The following SNF8 variants were observed in gnomAD, a reference collection of about 807,000 sequenced individuals.
SNF8 encodes SNF8 subunit of ESCRT-II, also known as vacuolar-sorting protein SNF8.
SNF8 carries 19 observed loss-of-function variants against 36.8 expected under a neutral mutation model. The observed-to-expected ratio is 0.52, with a 90% CI of 0.36 to 0.76. SNF8 has a LOEUF of 0.76. Among genes scored for constraint, SNF8 ranks in the 30% least tolerant of loss-of-function variants. The pLI is 0.00. For missense variants in SNF8, 268 were observed against 322.9 expected, an observed-to-expected ratio of 0.83 and a Z score of 1.30; for synonymous variants, 127 against 127.4, an observed-to-expected ratio of 1.00 and a Z score of 0.02.
At chr17:48,932,993 T>C (rs1369047745) in intron 6 of SNF8, 1 of 460,134 alleles carries the variant, frequency 2.2e-6, no homozygotes, top group Non-Finnish European at 3.8e-6. Flanking sequence ...GCAGGAATTT[T>C]ATCATCTTTA....
In SNF8 at chr17:48,940,960, C is replaced by T. The variant is rs1027220795; in HGVS notation, c.208G>A (p.Asp70Asn). Residue 70 changes from aspartate to asparagine, a missense_variant, in exon 3 of 8, where the codon GAC (aspartate) becomes AAC (asparagine). Asp to Asn is a conservative substitution (Grantham distance 23). Coordinates refer to ENST00000502492, the MANE Select transcript of SNF8 (RefSeq NM_007241.4). ...KNPEFRVQFQ[D>N]MCATIGVDPL... ...TCCACGCCAATGGTTGCACACATGT[C>T]CTGGAACTGCACACGGAACTCAGGA... The T allele has an allele frequency of 3.7e-6, 6 of 1,612,782 alleles. No individual in the cohort carries two copies. In the East Asian group the frequency reaches 1.1e-4, roughly 30 times the overall value.
At chr17:48,931,184 C>A (rs4793993) in intron 7 of SNF8, among the ~76,000 whole-genome samples, 1 of 152,060 alleles carries the variant, frequency 6.6e-6, no homozygotes, top group East Asian at 1.9e-4. Flanking sequence ...GGAGTTCTTA[C>A]ATTGCTCCCT....
At position 48,943,830 on chromosome 17, in the gene SNF8, C is replaced by G. The variant is rs114957199; in HGVS notation, c.105+95G>C. 1,379 of 1,130,774 alleles carry G rather than the reference C, an allele frequency of 1.2e-3. 18 individuals carry two copies. In the African/African-American group the frequency reaches 0.019, roughly 16 times the overall value. The allele number at this position is 1,130,774 out of a possible 1,614,324, so 70.0% of individuals were successfully genotyped here. A position where few individuals can be genotyped will look rare whatever the true frequency, so the allele number is the denominator to read the frequency against. ...TCAAAATTTGCCAAACACCCTATTT[C>G]TAGTTCAATCTACACAATCAAGTTC... On this transcript the variant is annotated intron_variant, in intron 2 of 7. Coordinates refer to ENST00000502492, the MANE Select transcript of SNF8 (RefSeq NM_007241.4).
intron 7 of SNF8, 85 bp downstream of exon 7, chr17:48,931,558 A>G: frequency 9.0e-7 from 1 of 1,108,426 alleles, no homozygotes. Flanking sequence ...CAGCAAAGCA[A>G]TGCTGAAGTT....
intron 7 of SNF8, 108 bp from the exon 8 acceptor site, chr17:48,930,720 T>G (rs1406612089): frequency 8.6e-7 from 1 of 1,156,272 alleles, no homozygotes; most frequent in Non-Finnish European, 1.2e-6. Flanking sequence ...GTTTTCAAAC[T>G]AAATCTACTA....
chr17:48,944,777 G>C lies in SNF8; in HGVS notation c.-43C>G, dbSNP rs762442015. On this transcript the variant is annotated 5_prime_UTR_variant, in exon 1 of 8. Coordinates refer to ENST00000502492, the MANE Select transcript of SNF8 (RefSeq NM_007241.4). ...GGGCCGCCCGGCTGCCGGGACCCCG[G>C]GTCTCCACGTCCCGGACTCCGCCGC... The C allele has an allele frequency of 3.6e-4, 560 of 1,573,758 alleles. No individual in the cohort carries two copies. The highest frequency in any genetic ancestry group is 4.5e-4 in the Non-Finnish European group (530 of 1,166,486).
At chr17:48,931,245 G>T (rs1450796804) in intron 7 of SNF8, among the ~76,000 whole-genome samples, 3 of 152,186 alleles carry the variant, frequency 2.0e-5, no homozygotes, top group African/African-American at 7.2e-5. Flanking sequence ...TATAAAGCTA[G>T]AGTATATACT....
In SNF8 at chr17:48,944,086, G is replaced by C. The variant is rs2041069505; in HGVS notation, c.55-111C>G. 4 of 918,456 alleles carry C rather than the reference G, an allele frequency of 4.4e-6. No individual in the cohort carries two copies. The Admixed American group carries it at 7.5e-5, about 17-fold the overall frequency. The allele number at this position is 918,456 out of a possible 1,614,324, so 56.9% of individuals were successfully genotyped here. The stretch of plus-strand genomic sequence containing the variant: ...TGGGACGCCGAGGCGGGCGGATCAC[G>C]AGGTCAGGAGATCGAGCCATCCTGG... On this transcript the variant is annotated intron_variant, in intron 1 of 7. Transcript: ENST00000502492.
chr17:48,933,277 GC>G lies in SNF8; in HGVS notation c.491del (p.Gly164AlafsTer30). Reference sequence around the variant, plus strand: ...GAACAGACTGAATGAGGTAAGTGCCGCCCACAGGGATGATGCCGAAGCCAGT... The same window carrying G: ...GAACAGACTGAATGAGGTAAGTGCCGCCACAGGGATGATGCCGAAGCCAGT... ...LGTGFGIIPV[G>X]GTYLIQSVPA... On this transcript the variant is annotated frameshift_variant, in exon 6 of 8. Transcript: ENST00000502492. LOFTEE classifies it high-confidence loss of function. 1 of 1,614,128 alleles carries G rather than the reference GC, an allele frequency of 6.2e-7. No individual in the cohort carries two copies. The highest frequency in any genetic ancestry group is 2.2e-5 in the East Asian group (1 of 44,874).
chr17:48,933,070 C>T, intron 6 of SNF8, 135 bp downstream of exon 6: 1 of 871,692 alleles, frequency 1.1e-6, no homozygotes, highest in East Asian at 2.6e-5. Context: ...TGAACAAGCA[C>T]AGGCCTGAGT....
At chr17:48,940,072 CA>C (rs34067220) in intron 3 of SNF8, among the ~76,000 whole-genome samples, 3,956 of 91,352 alleles carry the variant, frequency 0.043, 153 homozygotes, top group African/African-American at 0.14. Context: ...AAGACTGTCT[CA>C]AAAAAAAAAA....
At chr17:48,930,678 G>C in intron 7 of SNF8, 66 bp from the exon 8 acceptor site, 1 of 1,521,242 alleles carries the variant, frequency 6.6e-7, no homozygotes, top group Non-Finnish European at 8.9e-7. Context: ...GGGTAGGTAA[G>C]CAACCCCCAC....
Position 48,936,054 on chromosome 17 carries a change from T to C in SNF8, c.422+116A>G, listed in dbSNP as rs2040929762. 2.8e-5 allele frequency: 20 copies of C among 713,242 alleles called. 1 individual carries two copies. In the South Asian group the frequency reaches 3.0e-4, roughly 11 times the overall value. The allele number at this position is 713,242 out of a possible 1,614,324, so 44.2% of individuals were successfully genotyped here. The stretch of plus-strand genomic sequence containing the variant: ...TTGTTTTTTTTTTTCCTGTATGATA[T>C]GGAGATCATACAGATTTCTAAGCTA... On this transcript the variant is annotated intron_variant, in intron 5 of 7. Transcript: ENST00000502492.
Position 48,929,635 on chromosome 17 carries a change from T to C in SNF8, c.*840A>G, listed in dbSNP as rs542983251. On this transcript the variant is annotated 3_prime_UTR_variant, in exon 8 of 8. Transcript: ENST00000502492. Reference sequence around the variant, plus strand: ...CAGTATGTGCTGCCATTCTGTACTATGCAGTGATACATGAAGGCATGGGCT... The same window carrying C: ...CAGTATGTGCTGCCATTCTGTACTACGCAGTGATACATGAAGGCATGGGCT... The C allele has an allele frequency of 2.6e-5, 4 of 152,186 alleles. No individual in the cohort carries two copies. The highest frequency in any genetic ancestry group is 5.9e-5 in the Non-Finnish European group (4 of 68,038). 9.4% of individuals were successfully genotyped at this position (152,186 alleles called of 1,614,324 possible).
At chr17:48,941,793 T>C (rs2041031029) in intron 2 of SNF8, among the ~76,000 whole-genome samples, 1 of 152,066 alleles carries the variant, frequency 6.6e-6, no homozygotes, top group South Asian at 2.1e-4. Flanking sequence ...CAGTTCAAGT[T>C]GATTCTCTTG....
intron 3 of SNF8, among the ~76,000 whole-genome samples, chr17:48,938,195 T>G (rs2040963909): frequency 6.6e-6 from 1 of 152,026 alleles, no homozygotes; most frequent in South Asian, 2.1e-4. Flanking sequence ...ACGACAATAT[T>G]CTATTCAGTG....
At chr17:48,943,829 TC>T (rs2041065401) in intron 2 of SNF8, 95 bp downstream of exon 2, 1 of 1,123,488 alleles carries the variant, frequency 8.9e-7, no homozygotes, top group Non-Finnish European at 1.4e-6. Context: ...ACACCCTATT[TC>T]TAGTTCAATC....
Position 48,941,900 on chromosome 17 carries a change from AG to A in SNF8, c.106-839del, listed in dbSNP as rs1459812352. Among the ~76,000 whole-genome samples the A allele has an allele frequency of 1.4e-4, 22 of 152,174 alleles. 1 individual carries two copies. Among genetic ancestry groups the A allele is most frequent in the Admixed American group, 1.4e-3 (22 of 15,246 alleles). ...GAGACAGGGTTTCATCATGTGGGCC[AG>A]GCTGGTCTCAAATTCCTGACCTCAA... On this transcript the variant is annotated intron_variant, in intron 2 of 7. Coordinates refer to ENST00000502492, the MANE Select transcript of SNF8 (RefSeq NM_007241.4).
Position 48,940,979 on chromosome 17 carries a change from C to G in SNF8, c.189G>C (p.Glu63Asp). The change falls in exon 3 of 8, where the codon GAG becomes GAC. Residue 63 changes from glutamate to aspartate, a missense_variant. Glu to Asp is a conservative substitution (Grantham distance 45). Transcript: ENST00000502492. Reference protein sequence around the residue: ...KHKQEIRKNPEFRVQFQDMCA... With the variant: ...KHKQEIRKNPDFRVQFQDMCA... ...ACATGTCCTGGAACTGCACACGGAA[C>G]TCAGGATTCTTCCGGATCTCCTGCT... is the stretch of plus-strand genomic sequence containing the variant. 2 of 1,613,330 alleles carry G rather than the reference C, an allele frequency of 1.2e-6. No homozygotes were observed. Among genetic ancestry groups the G allele is most frequent in the Non-Finnish European group, 1.7e-6 (2 of 1,180,028 alleles).
Sources: allele counts gnomAD v4.1 joint callset (sites outside exome capture counted in the v4.1 genomes callset), GRCh38; gene constraint gnomAD v4.1.1; transcripts MANE v1.5; gene names NCBI Gene and HGNC (gene_info 2026-07-23, HGNC 2026-07-21).